The following HPSE2 variants were observed in gnomAD, a reference collection of about 807,000 sequenced individuals.
HPSE2 encodes inactive heparanase-2.
Under a neutral mutation model 60.5 loss-of-function variants are expected in HPSE2, and 38 were observed. The ratio of observed to expected loss-of-function variants is 0.63; its 90% confidence interval spans 0.48 to 0.82. HPSE2 has a LOEUF of 0.82. Among genes scored for constraint, HPSE2 ranks in the 40% least tolerant of loss-of-function variants. The pLI, the probability that HPSE2 is intolerant of heterozygous loss-of-function variation, is 0.00. For missense variants in HPSE2, 713 were observed against 740.4 expected (o/e 0.96, Z 0.43); for synonymous variants, 295 against 293.2 (o/e 1.01, Z -0.06).
intron 3 of HPSE2, among the ~76,000 whole-genome samples, chr10:99,005,783 T>G (rs4429004): frequency 0.49 from 74,462 of 152,038 alleles, 20,332 homozygotes; most frequent in East Asian, 0.62. Flanking sequence ...GAATTCACTC[T>G]AGTTTTTGCT....
At chr10:99,037,769 A>G (rs936754847) in intron 3 of HPSE2, among the ~76,000 whole-genome samples, 6 of 152,070 alleles carry the variant, frequency 3.9e-5, no homozygotes, top group Admixed American at 1.3e-4. Context: ...AGGTTAAAAA[A>G]TAAGAAAAAC....
chr10:98,565,964 A>G (rs1944331415), intron 9 of HPSE2, among the ~76,000 whole-genome samples: 1 of 152,196 alleles, frequency 6.6e-6, no homozygotes, highest in African/African-American at 2.4e-5. Context: ...TTCCCAAAGA[A>G]GAAGTCCAGA....
chr10:98,742,974 C>CTTT (rs35772316), intron 4 of HPSE2, among the ~76,000 whole-genome samples: 8 of 99,770 alleles, frequency 8.0e-5, no homozygotes, highest in Middle Eastern at 5.2e-3. Flanking sequence ...CTTTTCTTTT[C>CTTT]TTTTTTTTTT....
the HPSE2 span, among the ~76,000 whole-genome samples, chr10:99,300,545 C>A: frequency 1.3e-5 from 2 of 152,164 alleles, no homozygotes; most frequent in African/African-American, 4.8e-5. Flanking sequence ...CATGTTTTCC[C>A]ACAGGTTCTT....
intron 3 of HPSE2, among the ~76,000 whole-genome samples, chr10:98,782,899 T>C (rs1950506754): frequency 1.6e-5 from 1 of 63,352 alleles, no homozygotes; most frequent in African/African-American, 4.5e-5. Context: ...TGGGTCTACT[T>C]CCCTGTTTGT....
chr10:99,039,735 G>A (rs1013141310), intron 3 of HPSE2, among the ~76,000 whole-genome samples: 10 of 151,962 alleles, frequency 6.6e-5, no homozygotes, highest in Non-Finnish European at 1.5e-4. Flanking sequence ...CCAAGCTAGG[G>A]ATTATAGCAC....
Position 98,653,708 on chromosome 10 carries a change from G to A in HPSE2, c.1005-11768C>T, listed in dbSNP as rs145973283. Among the ~76,000 whole-genome samples, 564 of 150,822 alleles carry A rather than the reference G, an allele frequency of 3.7e-3. 4 individuals are homozygous for A. The highest frequency in any genetic ancestry group is 0.013 in the African/African-American group (544 of 41,142). ...TGCTATAATAACCCAGTACATTGTGGCTATTATTACTTTAAACAGTTATCT... is the reference window on the plus strand; with the variant it reads ...TGCTATAATAACCCAGTACATTGTGACTATTATTACTTTAAACAGTTATCT... On this transcript the variant is annotated intron_variant, in intron 6 of 11. Transcript: ENST00000370552.
chr10:98,892,647 T>C (rs1953368867), intron 3 of HPSE2, among the ~76,000 whole-genome samples: 1 of 152,186 alleles, frequency 6.6e-6, no homozygotes, highest in South Asian at 2.1e-4. Context: ...GAGTTGAATT[T>C]CATTCTCAAC....
At chr10:98,854,455 C>G (rs114423666) in intron 3 of HPSE2, among the ~76,000 whole-genome samples, 2 of 152,130 alleles carry the variant, frequency 1.3e-5, no homozygotes, top group Non-Finnish European at 2.9e-5. Flanking sequence ...CAACTCATAA[C>G]TTTTCAACTT....
At position 98,929,987 on chromosome 10, in the gene HPSE2, T is replaced by A. The variant is rs182705982; in HGVS notation, c.611-185931A>T. ...GATCTCTTGTATATGAGTGCTTTTT[T>A]AAAAAAAATTAAGTTCTGGGATACC... On this transcript the variant is annotated intron_variant, in intron 3 of 11. Coordinates refer to ENST00000370552, the MANE Select transcript of HPSE2 (RefSeq NM_021828.5). Among the ~76,000 whole-genome samples, 872 of 143,612 alleles carry A rather than the reference T, an allele frequency of 6.1e-3. 179 individuals carry two copies. The highest frequency in any genetic ancestry group is 0.023 in the African/African-American group (827 of 35,290). 94.2% of individuals were successfully genotyped at this position (143,612 alleles called of 152,430 possible). A position where few individuals can be genotyped will look rare whatever the true frequency, so the allele number is the denominator to read the frequency against.
intron 1 of HPSE2, among the ~76,000 whole-genome samples, chr10:99,232,813 G>A (rs1849705196): frequency 6.6e-6 from 1 of 152,256 alleles, no homozygotes; most frequent in African/African-American, 2.4e-5. Flanking sequence ...TGTTTGTATG[G>A]GGTGGGTGTA....
chr10:99,201,102 C>T (rs913240232), intron 2 of HPSE2, among the ~76,000 whole-genome samples: 2 of 152,084 alleles, frequency 1.3e-5, no homozygotes, highest in African/African-American at 4.8e-5. Flanking sequence ...GAGTCATGCC[C>T]ATGTTATTAA....
rs544951126 is a variant in HPSE2, at chr10:98,987,102, C to T, written c.610+157136G>A. 2.2e-3 allele frequency among the ~76,000 whole-genome samples: 336 copies of T among 151,902 alleles called. 3 individuals are homozygous for T. The highest frequency in any genetic ancestry group is 3.4e-3 in the African/African-American group (139 of 41,456). The stretch of plus-strand genomic sequence containing the variant: ...GGTACCATTCCTTCTGAAACTATTC[C>T]GATCAATAGAAAAAGAGGGAATCCT... On this transcript the variant is annotated intron_variant, in intron 3 of 11. Transcript: ENST00000370552.
At chr10:99,281,885 T>C in the HPSE2 span, among the ~76,000 whole-genome samples, 3 of 152,054 alleles carry the variant, frequency 2.0e-5, no homozygotes, top group African/African-American at 4.8e-5. Flanking sequence ...GAAAACTATA[T>C]CCCATGCAAA....
At chr10:99,137,704 C>T (rs1438930930) in intron 3 of HPSE2, among the ~76,000 whole-genome samples, 1 of 152,180 alleles carries the variant, frequency 6.6e-6, no homozygotes, top group Non-Finnish European at 1.5e-5. Flanking sequence ...AAAACTGAAA[C>T]TGGACCCCTT....
intron 11 of HPSE2, among the ~76,000 whole-genome samples, chr10:98,476,572 C>T (rs1397961237): frequency 1.3e-5 from 2 of 151,984 alleles, no homozygotes; most frequent in African/African-American, 4.8e-5. Flanking sequence ...GGTGGATCAC[C>T]TGAGGTCAGG....
In HPSE2 at chr10:98,949,229, C is replaced by T. The variant is rs550405027; in HGVS notation, c.610+195009G>A. On this transcript the variant is annotated intron_variant, in intron 3 of 11. Transcript: ENST00000370552. ...AAAAAAAAAGTGTAATCCTCCAACA[C>T]GCACACGCACACGCATGCGTGCACA... is the stretch of plus-strand genomic sequence containing the variant. 2.1e-4 allele frequency among the ~76,000 whole-genome samples: 27 copies of T among 129,110 alleles called. No homozygotes were observed. In the South Asian group the frequency reaches 4.3e-3, roughly 20 times the overall value. The allele number at this position is 129,110 out of a possible 152,430, so 84.7% of individuals were successfully genotyped here. A position where few individuals can be genotyped will look rare whatever the true frequency, so the allele number is the denominator to read the frequency against.
intron 4 of HPSE2, among the ~76,000 whole-genome samples, chr10:98,728,995 C>G (rs536775144): frequency 3.4e-4 from 52 of 152,000 alleles, no homozygotes; most frequent in African/African-American, 1.2e-3. Flanking sequence ...GGCAACAGAG[C>G]AGGGCCTTGT....
intron 3 of HPSE2, among the ~76,000 whole-genome samples, chr10:98,959,319 A>G (rs1283820394): frequency 6.6e-6 from 1 of 151,320 alleles, no homozygotes. Flanking sequence ...CACAGAACAG[A>G]AAAGGATTCT....
Sources: gnomAD v4.1 joint callset for allele counts (sites outside exome capture counted in the v4.1 genomes callset) on GRCh38, gnomAD v4.1.1 for gene constraint, MANE v1.5 for transcripts, NCBI Gene and HGNC (gene_info 2026-07-23, HGNC 2026-07-21) for gene names.